The following NEDD4L variants were observed in gnomAD, a reference collection of about 807,000 sequenced individuals.
NEDD4L encodes the protein E3 ubiquitin-protein ligase NEDD4-like.
In NEDD4L, 54 loss-of-function variants were observed where a neutral mutation model predicts 148.9. The ratio of observed to expected loss-of-function variants is 0.36; its 90% confidence interval spans 0.29 to 0.45. The LOEUF (loss-of-function observed/expected upper bound fraction) is 0.45, where lower values mean the gene tolerates loss of function less well. Among genes scored for constraint, NEDD4L ranks in the 20% least tolerant of loss-of-function variants. NEDD4L has a pLI of 1.00. For missense variants in NEDD4L, 856 were observed against 1,233.8 expected, an observed-to-expected ratio of 0.69 and a Z score of 4.59; for synonymous variants, 433 against 440.7, an observed-to-expected ratio of 0.98 and a Z score of 0.22.
intron 2 of NEDD4L, among the ~76,000 whole-genome samples, chr18:58,240,581 C>T (rs990859263): frequency 1.3e-5 from 2 of 152,142 alleles, no homozygotes; most frequent in African/African-American, 2.4e-5. Context: ...TCCTGACCCA[C>T]CTACCTGCTA....
chr18:58,266,389 A>C (rs1233263899), intron 5 of NEDD4L, among the ~76,000 whole-genome samples: 2 of 152,144 alleles, frequency 1.3e-5, no homozygotes, highest in African/African-American at 4.8e-5. Context: ...CATGAAAAAA[A>C]TAACTAAAAT....
Position 58,044,670 on chromosome 18 carries a change from G to A in NEDD4L, c.10G>A (p.Gly4Arg). The change falls in exon 1 of 31, where the codon GGG becomes AGG. Residue 4 changes from glycine (G) to arginine (R), a missense_variant. Physicochemically the swap from Gly to Arg is moderately radical, Grantham distance 125. Transcript: ENST00000400345. ...GCGGGGCGCCGGCTCCATGGCGACC[G>A]GGCTCGGGGAGCCGGTCTATGGACT... is the stretch of plus-strand genomic sequence containing the variant. Reference protein sequence around the residue: MATGLGEPVYGLSE... With the variant: MATRLGEPVYGLSE... 1.9e-6 allele frequency: 3 copies of A among 1,601,808 alleles called. No individual in the cohort carries two copies. The highest frequency in any genetic ancestry group is 1.1e-5 in the South Asian group (1 of 89,720).
At chr18:58,253,587 A>T (rs1313767473) in intron 5 of NEDD4L, among the ~76,000 whole-genome samples, 1 of 152,232 alleles carries the variant, frequency 6.6e-6, no homozygotes, top group Non-Finnish European at 1.5e-5. Flanking sequence ...TGAGTAGTAT[A>T]ACAGTACGTT....
chr18:58,143,763 G>A (rs544814484), intron 1 of NEDD4L, among the ~76,000 whole-genome samples: 44 of 152,314 alleles, frequency 2.9e-4, no homozygotes, highest in Non-Finnish European at 4.1e-4. Context: ...CACAGCGGCC[G>A]GTGGTGTGAC....
chr18:58,044,653 C>T lies in NEDD4L; in HGVS notation c.-8C>T, dbSNP rs1170016392. The T allele has an allele frequency of 1.3e-6, 2 of 1,599,072 alleles. No homozygotes were observed. On this transcript the variant is annotated 5_prime_UTR_variant, in exon 1 of 31. Transcript: ENST00000400345. ...AGCGCCTCAGACCCCGCGCGGGGCG[C>T]CGGCTCCATGGCGACCGGGCTCGGG...
In NEDD4L at chr18:58,181,843, G is replaced by A. The variant is rs146373388; in HGVS notation, c.122+15982G>A. 9.1e-3 allele frequency among the ~76,000 whole-genome samples: 1,393 copies of A among 152,278 alleles called. 6 individuals are homozygous for A. The highest frequency in any genetic ancestry group is 0.031 in the Middle Eastern group (9 of 294). On this transcript the variant is annotated intron_variant, in intron 2 of 30. Transcript: ENST00000400345. ...GAAATTTCCCCTTTCATAGGGTTCTGAGATTGTAGGAGTTTTTAGTATTTC... is the reference window on the plus strand; with the variant it reads ...GAAATTTCCCCTTTCATAGGGTTCTAAGATTGTAGGAGTTTTTAGTATTTC...
intron 13 of NEDD4L, among the ~76,000 whole-genome samples, chr18:58,338,686 C>T (rs752889653): frequency 1.3e-5 from 2 of 152,098 alleles, no homozygotes; most frequent in African/African-American, 2.4e-5. Context: ...GAGGCTGAAG[C>T]GGGTGGATCA....
rs569513908 is a variant in NEDD4L, at chr18:58,379,481, G to A, written c.2353-3765G>A. ...TGATGTTAAGAAGGGACAAATTTGGGCGAAAGGAGAACACAGGCTGTAGTT... is the reference window on the plus strand; with the variant it reads ...TGATGTTAAGAAGGGACAAATTTGGACGAAAGGAGAACACAGGCTGTAGTT... On this transcript the variant is annotated intron_variant, in intron 24 of 30. Transcript: ENST00000400345. Among the ~76,000 whole-genome samples, 4 of 152,308 alleles carry A rather than the reference G, an allele frequency of 2.6e-5. No homozygotes were observed. The East Asian group carries it at 7.7e-4, about 29-fold the overall frequency.
intron 1 of NEDD4L, among the ~76,000 whole-genome samples, chr18:58,079,913 A>C (rs1330707926): frequency 6.6e-6 from 1 of 152,140 alleles, no homozygotes; most frequent in Non-Finnish European, 1.5e-5. Context: ...TGTTTTAATA[A>C]TAATACAAAT....
chr18:58,309,484 T>C (rs12327065), intron 5 of NEDD4L, among the ~76,000 whole-genome samples: 7,732 of 152,208 alleles, frequency 0.051, 613 homozygotes, highest in African/African-American at 0.17. Flanking sequence ...CTGTGGCTGC[T>C]GAGCACTTGA....
At chr18:58,097,883 T>G (rs1395251555) in intron 1 of NEDD4L, among the ~76,000 whole-genome samples, 1 of 151,960 alleles carries the variant, frequency 6.6e-6, no homozygotes, top group African/African-American at 2.4e-5. Context: ...AATAAAAAAT[T>G]AGCTGGATGT....
chr18:58,093,883 A>G (rs150184756), intron 1 of NEDD4L, among the ~76,000 whole-genome samples: 16 of 152,000 alleles, frequency 1.1e-4, no homozygotes, highest in African/African-American at 3.9e-4. Context: ...GCCACTCTTG[A>G]AAAATTGCTG....
intron 1 of NEDD4L, among the ~76,000 whole-genome samples, chr18:58,151,552 A>G (rs1599134915): frequency 6.6e-6 from 1 of 152,022 alleles, no homozygotes; most frequent in Non-Finnish European, 1.5e-5. Flanking sequence ...CAGAACTAGT[A>G]TAAAAATACG....
intron 1 of NEDD4L, among the ~76,000 whole-genome samples, chr18:58,094,669 C>G (rs937443546): frequency 1.3e-5 from 2 of 152,310 alleles, no homozygotes; most frequent in African/African-American, 4.8e-5. Flanking sequence ...TTCCCCTTCT[C>G]CATGGACTCC....
chr18:58,269,905 A>G (rs1232243034), intron 5 of NEDD4L, among the ~76,000 whole-genome samples: 1 of 149,638 alleles, frequency 6.7e-6, no homozygotes, highest in Non-Finnish European at 1.5e-5. Context: ...GCAAGGTTGT[A>G]AAATACCTAT....
At chr18:58,302,847 G>A (rs367808644) in intron 5 of NEDD4L, among the ~76,000 whole-genome samples, 7 of 152,190 alleles carry the variant, frequency 4.6e-5, no homozygotes, top group African/African-American at 9.6e-5. Flanking sequence ...CCCCTCCCAC[G>A]GCGTACTTCA....
intron 1 of NEDD4L, among the ~76,000 whole-genome samples, chr18:58,066,636 C>G (rs1294817813): frequency 6.7e-6 from 1 of 150,260 alleles, no homozygotes; most frequent in Non-Finnish European, 1.5e-5. Context: ...TTTTACACTC[C>G]TATAACGACA....
At chr18:58,114,824 G>A (rs1050298224) in intron 1 of NEDD4L, among the ~76,000 whole-genome samples, 3 of 152,142 alleles carry the variant, frequency 2.0e-5, no homozygotes, top group African/African-American at 7.2e-5. Context: ...CCCTCCCTGC[G>A]TTTGCAAAGC....
chr18:58,397,537 AT>A lies in NEDD4L; in HGVS notation c.*1271del, dbSNP rs2050574046. Reference sequence around the variant, plus strand: ...GATTTCTACTCAACTACAAAGATTTATTTAATGTACTCTTAATCTAACTGAG... The same window carrying A: ...GATTTCTACTCAACTACAAAGATTTATTAATGTACTCTTAATCTAACTGAG... On this transcript the variant is annotated 3_prime_UTR_variant, in exon 31 of 31. Transcript: ENST00000400345. 6.6e-6 allele frequency: 1 copy of A among 152,222 alleles called. No individual in the cohort carries two copies. The highest frequency in any genetic ancestry group is 2.4e-5 in the African/African-American group (1 of 41,452). 9.4% of individuals were successfully genotyped at this position (152,222 alleles called of 1,614,324 possible).
Sources: gnomAD v4.1 joint callset for allele counts (sites outside exome capture counted in the v4.1 genomes callset) on GRCh38, gnomAD v4.1.1 for gene constraint, MANE v1.5 for transcripts, NCBI Gene and HGNC (gene_info 2026-07-23, HGNC 2026-07-21) for gene names.